Variants in KAZN observed in about 807,000 individuals in gnomAD.
The protein encoded by KAZN is kazrin, periplakin interacting protein.
Under a neutral mutation model 87.4 loss-of-function variants are expected in KAZN, and 40 were observed. That is an observed-to-expected ratio of 0.46 (90% CI 0.36 to 0.60). KAZN has a LOEUF of 0.60. Ranked by LOEUF, KAZN falls within the 20% of genes least tolerant of loss-of-function variation. The pLI is 0.00. For missense variants in KAZN, 898 were observed against 1,073.9 expected (o/e 0.84, Z 2.29); for synonymous variants, 466 against 458.3 (o/e 1.02, Z -0.22).
intron 1 of KAZN, among the ~76,000 whole-genome samples, chr1:13,903,853 G>C (rs1406729741): frequency 2.0e-5 from 3 of 152,118 alleles, no homozygotes; most frequent in Non-Finnish European, 4.4e-5. Context: ...CAGAAGTTTT[G>C]ACCTTGATTC....
At chr1:14,325,635 A>G (rs1457007370) in intron 2 of KAZN, among the ~76,000 whole-genome samples, 1 of 152,246 alleles carries the variant, frequency 6.6e-6, no homozygotes, top group African/African-American at 2.4e-5. Context: ...AAGAAACTCA[A>G]GGAACTTCTT....
intron 1 of KAZN, among the ~76,000 whole-genome samples, chr1:14,026,046 T>C (rs527650348): frequency 6.6e-6 from 1 of 152,280 alleles, no homozygotes; most frequent in South Asian, 2.1e-4. Context: ...TAATTATGAA[T>C]GTAAAACTCT....
chr1:15,077,399 C>A lies in KAZN; in HGVS notation c.1222+11646C>A, dbSNP rs1340452639. On this transcript the variant is annotated intron_variant, in intron 8 of 14. Coordinates refer to ENST00000376030, the MANE Select transcript of KAZN (RefSeq NM_201628.3). The surrounding 1 kb of genome is among the most constrained non-coding windows in gnomAD (Gnocchi z 4.8). ...CCTCCTGTCCTCCACTCCCTGACGG[C>A]CAGGCAGCAGGGCTCCACGCTTGTT... Among the ~76,000 whole-genome samples the A allele has an allele frequency of 6.6e-6, 1 of 152,204 alleles. No homozygotes were observed. Among genetic ancestry groups the A allele is most frequent in the Non-Finnish European group, 1.5e-5 (1 of 68,036 alleles).
intron 2 of KAZN, among the ~76,000 whole-genome samples, chr1:14,371,816 T>A (rs1380692780): frequency 1.3e-5 from 2 of 152,196 alleles, no homozygotes; most frequent in African/African-American, 2.4e-5. Flanking sequence ...ACAGGAGAAT[T>A]ATCTTTGAGA....
At chr1:14,486,540 G>T (rs1324634962) in intron 2 of KAZN, among the ~76,000 whole-genome samples, 2 of 152,152 alleles carry the variant, frequency 1.3e-5, no homozygotes, top group Non-Finnish European at 2.9e-5. Flanking sequence ...AGCTATCTTG[G>T]AAACATTCCT....
In KAZN at chr1:14,355,402, A is replaced by T. The variant is rs533791444; in HGVS notation, c.249+174810A>T. 9.0e-3 allele frequency among the ~76,000 whole-genome samples: 176 copies of T among 19,586 alleles called. 1 individual carries two copies. The highest frequency in any genetic ancestry group is 0.02 in the African/African-American group (168 of 8,590). 12.8% of individuals were successfully genotyped at this position (19,586 alleles called of 152,430 possible). A position where few individuals can be genotyped will look rare whatever the true frequency, so the allele number is the denominator to read the frequency against. On this transcript the variant is annotated intron_variant, in intron 2 of 16. Coordinates refer to the KAZN transcript ENST00000636203. ...GTTTTTGTTGTTGAACAATCTACAT[A>T]TTTATTTATTTATTTATTTATTTAT...
At chr1:14,068,120 T>G (rs532508032) in intron 1 of KAZN, among the ~76,000 whole-genome samples, 1 of 149,996 alleles carries the variant, frequency 6.7e-6, no homozygotes, top group African/African-American at 2.5e-5. Flanking sequence ...GTGTTGATGT[T>G]CCCCCCCCCA....
At chr1:14,519,209 A>G (rs1671454131) in intron 2 of KAZN, among the ~76,000 whole-genome samples, 1 of 152,222 alleles carries the variant, frequency 6.6e-6, no homozygotes, top group African/African-American at 2.4e-5. Flanking sequence ...GCCCCTGACT[A>G]CACAGCTTGA....
intron 2 of KAZN, among the ~76,000 whole-genome samples, chr1:14,504,142 T>A (rs1228822425): frequency 6.6e-6 from 1 of 152,208 alleles, no homozygotes; most frequent in Non-Finnish European, 1.5e-5. Flanking sequence ...CTTGTCATAA[T>A]GAGGACAAAG....
Position 14,924,000 on chromosome 1 carries a change from G to A in KAZN, c.227-36684G>A, listed in dbSNP as rs1658839454. The A allele has an allele frequency of 3.9e-6, 2 of 517,586 alleles. No homozygotes were observed. The highest frequency in any genetic ancestry group is 4.9e-6 in the Non-Finnish European group (2 of 404,638). 32.1% of individuals were successfully genotyped at this position (517,586 alleles called of 1,614,324 possible). On this transcript the variant is annotated intron_variant, in intron 1 of 14. Transcript: ENST00000376030. This position sits in a 1 kb window ranked among gnomAD's most constrained non-coding sequence, Gnocchi z 4.2. ...GCGGGGGCCGGGCGCACAACGGGGC[G>A]ACGCGGCGGCGCTCCCCGGGCACTG...
At chr1:14,425,055 T>C (rs530180952) in intron 2 of KAZN, among the ~76,000 whole-genome samples, 1 of 152,330 alleles carries the variant, frequency 6.6e-6, no homozygotes, top group South Asian at 2.1e-4. Context: ...AATGAGTTTC[T>C]GGGGCTCACT....
chr1:14,384,745 A>G (rs934486269), intron 2 of KAZN, among the ~76,000 whole-genome samples: 2 of 151,468 alleles, frequency 1.3e-5, no homozygotes, highest in Admixed American at 6.6e-5. Context: ...TTTTTGCATC[A>G]ATGTTCATCG....
At chr1:15,088,764 C>T (rs1640391118) in intron 8 of KAZN, among the ~76,000 whole-genome samples, 1 of 152,058 alleles carries the variant, frequency 6.6e-6, no homozygotes, top group South Asian at 2.1e-4. Context: ...GGTGCTCAGT[C>T]CTCAGGGGTG....
In KAZN at chr1:14,384,704, T is replaced by C. The variant is rs1661706174; in HGVS notation, c.249+204112T>C. On this transcript the variant is annotated intron_variant, in intron 2 of 16. Transcript: ENST00000636203. ...GTGGATAAGCTTTTTGATGTGCTGC[T>C]GGATTCGGTTTGCCAGTATTTTATT... Among the ~76,000 whole-genome samples the C allele has an allele frequency of 2.0e-5, 3 of 151,756 alleles. No homozygotes were observed. In the South Asian group the frequency reaches 6.2e-4, roughly 32 times the overall value.
At chr1:14,634,865 C>G (rs1402950114) in intron 1 of KAZN, among the ~76,000 whole-genome samples, 1 of 151,992 alleles carries the variant, frequency 6.6e-6, no homozygotes. Context: ...AGGATTTGCC[C>G]TTAGTTATTA....
chr1:14,066,507 A>G (rs16853537), intron 1 of KAZN, among the ~76,000 whole-genome samples: 3,096 of 152,302 alleles, frequency 0.02, 78 homozygotes, highest in East Asian at 0.066. Flanking sequence ...ATGACGGGAC[A>G]TGACTTCCCT....
At chr1:14,280,739 C>T (rs917156991) in intron 2 of KAZN, among the ~76,000 whole-genome samples, 2 of 152,216 alleles carry the variant, frequency 1.3e-5, no homozygotes, top group African/African-American at 4.8e-5. Context: ...GAAACTATTA[C>T]AAATACATCC....
At chr1:14,519,696 T>C (rs1287671071) in intron 2 of KAZN, among the ~76,000 whole-genome samples, 3 of 152,004 alleles carry the variant, frequency 2.0e-5, no homozygotes, top group Non-Finnish European at 4.4e-5. Context: ...ACAGAGAAAA[T>C]GTGGATGCCA....
chr1:14,276,586 G>A (rs186980435), intron 2 of KAZN, among the ~76,000 whole-genome samples: 329 of 152,174 alleles, frequency 2.2e-3, no homozygotes, highest in Admixed American at 3.8e-3. Flanking sequence ...GGCATTCCTC[G>A]ACTTGTAGAT....
Sources: gnomAD v4.1 joint callset for allele counts (sites outside exome capture counted in the v4.1 genomes callset) on GRCh38, gnomAD v4.1.1 for gene constraint, Gnocchi (gnomAD v3.1) non-coding constraint, MANE v1.5 for transcripts, NCBI Gene and HGNC (gene_info 2026-07-23, HGNC 2026-07-21) for gene names.